UPRT: variants seen among roughly 807,000 people sequenced by gnomAD.
The protein encoded by UPRT is uracil phosphoribosyltransferase homolog.
In UPRT, 5 loss-of-function variants were observed where a neutral mutation model predicts 22.6. The ratio of observed to expected loss-of-function variants is 0.22; its 90% confidence interval spans 0.12 to 0.47. UPRT has a LOEUF of 0.47. UPRT is among the 20% of genes least tolerant of loss of function. The probability of loss-of-function intolerance (pLI) is 0.99; values close to 1 mark genes in which losing one functional copy is unlikely to be tolerated. For missense variants in UPRT, 181 were observed against 239.9 expected (o/e 0.75, Z 1.62); for synonymous variants, 77 against 87.7 (o/e 0.88, Z 0.68).
At chrX:75,185,787 A>C (rs2082288070) in intron 4 of UPRT, among the ~76,000 whole-genome samples, 1 of 111,686 alleles carries the variant, frequency 9.0e-6, no homozygotes, top group African/African-American at 3.3e-5. Context: ...CATTTCTTCT[A>C]GATTTTCTAG....
Position 75,274,636 on chromosome X carries a change from G to C in UPRT, c.382G>C (p.Asp128His). The C allele has an allele frequency of 8.4e-7, 1 of 1,191,577 alleles. No homozygotes were observed. Among genetic ancestry groups the C allele is most frequent in the African/African-American group, 1.7e-5 (1 of 57,559 alleles). Residue 128 changes from aspartate to histidine, a missense_variant, in exon 1 of 7, where the codon GAC becomes CAC. Physicochemically the swap from Asp to His is moderately conservative, Grantham distance 81. This residue lies in a region of UPRT where 111 missense variants were observed against 102.8 expected (regional missense o/e 1.08). Transcript: ENST00000373383. Reference sequence around the variant, plus strand: ...ACGGGAGCTACAGACCATCATCCGTGACAAGTAAGCCAAGAGCGGAAGGGG... The same window carrying C: ...ACGGGAGCTACAGACCATCATCCGTCACAAGTAAGCCAAGAGCGGAAGGGG... ...QIRELQTIIR[D>H]KTASRGDFMF...
intron 4 of UPRT, among the ~76,000 whole-genome samples, chrX:75,206,249 G>A (rs1188654968): frequency 9.0e-6 from 1 of 111,081 alleles, no homozygotes. Flanking sequence ...TCCATCCAGA[G>A]AATGTATCTA....
chrX:75,178,697 C>G (rs1178393630), intron 4 of UPRT, among the ~76,000 whole-genome samples: 2 of 110,152 alleles, frequency 1.8e-5, no homozygotes, highest in Non-Finnish European at 3.8e-5. Context: ...GTTTGTTCCT[C>G]CCGGTGGGCT....
At chrX:75,163,551 T>C (rs1030171277) in intron 3 of UPRT, among the ~76,000 whole-genome samples, 60 of 111,727 alleles carry the variant, frequency 5.4e-4, no homozygotes, top group Non-Finnish European at 9.2e-4. Flanking sequence ...AGTGGCCATC[T>C]TAGAATTCTG....
At chrX:75,156,778 G>A in intron 1 of UPRT, 1 of 329,468 alleles carries the variant, frequency 3.0e-6, no homozygotes, top group South Asian at 2.6e-5. Context: ...CCCCTGGGAG[G>A]AGGCTTCAGC....
chrX:75,266,582 T>G (rs1021433836), intron 4 of UPRT, among the ~76,000 whole-genome samples: 5 of 111,150 alleles, frequency 4.5e-5, no homozygotes, highest in African/African-American at 1.3e-4. Flanking sequence ...AAGACAAAAT[T>G]GACAGTTGGG....
In UPRT at chrX:75,181,380, G is replaced by A. The variant is rs769585127; in HGVS notation, c.-447+13501G>A. On this transcript the variant is annotated intron_variant, in intron 4 of 13. Coordinates refer to the UPRT transcript ENST00000652605. ...TTTAAAATAGTTTTTTTCTAATTCT[G>A]TAATGCATGTTATTGGTAGTTTGAT... Among the ~76,000 whole-genome samples, 5 of 111,378 alleles carry A rather than the reference G, an allele frequency of 4.5e-5. No homozygotes were observed. In the East Asian group the frequency reaches 1.4e-3, roughly 31 times the overall value.
At chrX:75,297,139 A>G (rs945152849) in intron 3 of UPRT, among the ~76,000 whole-genome samples, 1 of 111,700 alleles carries the variant, frequency 9.0e-6, no homozygotes, top group Non-Finnish European at 1.9e-5. Context: ...TGTGGCTCAC[A>G]GTGGGGTCCC....
At chrX:75,172,788 G>T (rs2082232263) in intron 4 of UPRT, among the ~76,000 whole-genome samples, 1 of 110,758 alleles carries the variant, frequency 9.0e-6, no homozygotes, top group Admixed American at 9.6e-5. Flanking sequence ...CTCCCGGTGG[G>T]CTCGTGGTCT....
intron 4 of UPRT, among the ~76,000 whole-genome samples, chrX:75,194,328 T>A (rs5937980): frequency 0.64 from 70,999 of 110,656 alleles, 20,541 homozygotes; most frequent in Non-Finnish European, 0.91. Flanking sequence ...TGGAACCTGC[T>A]GCACTAGAGA....
At position 75,294,496 on chromosome X, in the gene UPRT, G is replaced by A. The variant is rs766659275; in HGVS notation, c.429+982G>A. 66 of 840,922 alleles carry A rather than the reference G, an allele frequency of 7.8e-5. No individual in the cohort carries two copies. The East Asian group carries it at 5.7e-3, about 72-fold the overall frequency. The allele number at this position is 840,922 out of a possible 1,213,427, so 69.3% of individuals were successfully genotyped here. On this transcript the variant is annotated intron_variant, in intron 2 of 6. Transcript: ENST00000373383. ...ATGAACAGGGCTTCTTAGCCCCAAA[G>A]TTATAATCAGATTAAGGTAGATGAT...
At chrX:75,210,199 T>C (rs768577513) in intron 4 of UPRT, among the ~76,000 whole-genome samples, 98 of 110,962 alleles carry the variant, frequency 8.8e-4, no homozygotes, top group Non-Finnish European at 1.5e-3. Flanking sequence ...CCAATTGGGG[T>C]TAGTTTTGGG....
At chrX:75,191,357 C>T (rs989513533) in intron 4 of UPRT, among the ~76,000 whole-genome samples, 1 of 111,807 alleles carries the variant, frequency 8.9e-6, no homozygotes, top group African/African-American at 3.3e-5. Context: ...CAGAGGGGTA[C>T]CCGGCCGTGT....
intron 4 of UPRT, among the ~76,000 whole-genome samples, chrX:75,173,486 A>G (rs1457265954): frequency 5.3e-5 from 6 of 112,503 alleles, no homozygotes; most frequent in African/African-American, 1.9e-4. Context: ...TGAGCTAGAT[A>G]TAAAGACTCT....
intron 4 of UPRT, among the ~76,000 whole-genome samples, chrX:75,239,892 G>A (rs1243262763): frequency 9.0e-6 from 1 of 111,102 alleles, no homozygotes; most frequent in African/African-American, 3.3e-5. Flanking sequence ...ACAAAATTTA[G>A]CATCCCTTTA....
intron 4 of UPRT, among the ~76,000 whole-genome samples, chrX:75,182,353 G>C (rs1034431446): frequency 1.8e-5 from 2 of 111,810 alleles, no homozygotes; most frequent in Non-Finnish European, 3.8e-5. Context: ...ATTGGTATGA[G>C]GATGATACTG....
At chrX:75,197,250 G>A (rs942156290) in intron 4 of UPRT, among the ~76,000 whole-genome samples, 8 of 111,750 alleles carry the variant, frequency 7.2e-5, no homozygotes, top group Non-Finnish European at 1.3e-4. Flanking sequence ...GGTTTGCGGT[G>A]GCAAACACAA....
At chrX:75,248,608 G>C (rs928101912) in intron 4 of UPRT, among the ~76,000 whole-genome samples, 5 of 112,042 alleles carry the variant, frequency 4.5e-5, no homozygotes, top group Non-Finnish European at 5.6e-5. Flanking sequence ...GTGACGGGGA[G>C]AATGGAACCA....
intron 4 of UPRT, among the ~76,000 whole-genome samples, chrX:75,184,103 C>G (rs1040088200): frequency 9.0e-6 from 1 of 111,627 alleles, no homozygotes; most frequent in African/African-American, 3.3e-5. Context: ...TTGCCCATGC[C>G]TATGTCCTGA....
Sources: gnomAD v4.1 joint callset for allele counts (sites outside exome capture counted in the v4.1 genomes callset) on GRCh38, gnomAD v4.1.1 for gene constraint, gnomAD v4.1.1 regional missense constraint, MANE v1.5 for transcripts, NCBI Gene and HGNC (gene_info 2026-07-23, HGNC 2026-07-21) for gene names.